Variants in ADCY3 observed in about 807,000 individuals in gnomAD.
The protein encoded by ADCY3 is adenylate cyclase 3.
In ADCY3, 70 loss-of-function variants were observed where a neutral mutation model predicts 119.4. The ratio of observed to expected loss-of-function variants is 0.59; its 90% CI spans 0.48 to 0.72. The LOEUF (loss-of-function observed/expected upper bound fraction) is 0.72, where lower values mean the gene tolerates loss of function less well. Ranked by LOEUF, ADCY3 falls within the 30% of genes least tolerant of loss-of-function variation. The pLI is 0.00. For missense variants in ADCY3, 1,238 were observed against 1,541.6 expected (o/e 0.80, Z 3.30); for synonymous variants, 672 against 621.4 (o/e 1.08, Z -1.21).
At chr2:24,825,424 T>A (rs534048361) in intron 16 of ADCY3, among the ~76,000 whole-genome samples, 53 of 141,376 alleles carry the variant, frequency 3.7e-4, no homozygotes, top group African/African-American at 1.4e-3. Flanking sequence ...AGCCTCAACC[T>A]CCTAGATTCA....
At chr2:24,821,760 C>T (rs1667754409) in intron 19 of ADCY3, 120 bp from the exon 20 acceptor site, 2 of 1,434,978 alleles carry the variant, frequency 1.4e-6, no homozygotes, top group Non-Finnish European at 1.9e-6. Flanking sequence ...CAAGGCCTTA[C>T]TTTTCCTCCC....
chr2:24,920,162 C>A lies in ADCY3; in HGVS notation c.-677G>T, dbSNP rs914637836. On this transcript the variant is annotated 5_prime_UTR_variant, in exon 1 of 22. Coordinates refer to ENST00000679454, the MANE Select transcript of ADCY3 (RefSeq NM_004036.5). This position sits in a 1 kb window ranked among gnomAD's most constrained non-coding sequence, Gnocchi z 4.5. ...TCTCGCCCGCCCGCGCCGAGCCGAG[C>A]CAGCCGAGTCCGGGCTCGGCGTGCT... Among the ~76,000 whole-genome samples, 19 of 145,818 alleles carry A rather than the reference C, an allele frequency of 1.3e-4. No individual in the cohort carries two copies. Among genetic ancestry groups the A allele is most frequent in the African/African-American group, 3.4e-4 (14 of 40,628 alleles).
chr2:24,862,155 C>T (rs1049281138), intron 3 of ADCY3, among the ~76,000 whole-genome samples: 2 of 152,142 alleles, frequency 1.3e-5, no homozygotes, highest in Admixed American at 1.3e-4. Context: ...GAGGCTGGAG[C>T]ATAGGACTGT....
At chr2:24,911,581 C>T (rs187666486) in intron 2 of ADCY3, among the ~76,000 whole-genome samples, 3,393 of 144,504 alleles carry the variant, frequency 0.023, 53 homozygotes, top group Non-Finnish European at 0.034. Context: ...ACCTGGGAAG[C>T]GGAGGCTGCA....
intron 21 of ADCY3, 25 bp from the exon 22 acceptor site, chr2:24,820,139 C>A: frequency 1.8e-6 from 2 of 1,104,390 alleles, no homozygotes; most frequent in Admixed American, 2.9e-5. Context: ...GGAGCAAGAA[C>A]GTGGCGTTAC....
rs764037677 is a variant in ADCY3 at position 24,918,888 on chromosome 2, G to A, written c.100C>T (p.Arg34Trp). The change falls in exon 2 of 22, where the codon CGG (arginine) becomes TGG (tryptophan). Residue 34 changes from arginine to tryptophan, a missense_variant. By Grantham distance (101) the Arg-to-Trp change is moderately radical. Transcript: ENST00000679454. The surrounding 1 kb of genome is among the most constrained non-coding windows in gnomAD (Gnocchi z 5.4). ...TTCCGGACCGAGATTTCATGGGTCC[G>A]GCCCACCCCGCGGTCAGGGTCGGAG... ...LPSDPDRGVG[R>W]THEISVRNSG... 4.3e-6 allele frequency: 7 copies of A among 1,612,858 alleles called. No homozygotes were observed. Among genetic ancestry groups the A allele is most frequent in the Admixed American group, 1.7e-5 (1 of 59,998 alleles).
chr2:24,851,348 GAACCC>G (rs1417744783), intron 3 of ADCY3, among the ~76,000 whole-genome samples: 1 of 152,190 alleles, frequency 6.6e-6, no homozygotes, highest in Non-Finnish European at 1.5e-5. Flanking sequence ...TAGCTCTCAT[GAACCC>G]AGCACCCACC....
chr2:24,891,431 C>T (rs1677639039), intron 2 of ADCY3, among the ~76,000 whole-genome samples: 1 of 152,128 alleles, frequency 6.6e-6, no homozygotes, highest in Non-Finnish European at 1.5e-5. Context: ...GTAGCTGTCT[C>T]GGTTATGAGA....
rs776111289 is a variant in ADCY3 at position 24,820,719 on chromosome 2, C to A, written c.3252+5G>T. The A allele has an allele frequency of 8.1e-6, 13 of 1,614,030 alleles. No homozygotes were observed. Among genetic ancestry groups the A allele is most frequent in the Non-Finnish European group, 1.1e-5 (13 of 1,179,954 alleles). On this transcript the variant is annotated splice_donor_5th_base_variant and intron_variant, in intron 21 of 21. Transcript: ENST00000679454. ...AGCACGTGCCAGCTGTGCCACTGGA[C>A]ATACCTGAATGTTGCCCATGACCCC...
intron 20 of ADCY3, 199 bp from the exon 21 acceptor site, chr2:24,821,047 ACCC>A: frequency 7.5e-6 from 4 of 532,514 alleles, no homozygotes; most frequent in African/African-American, 2.2e-5. Flanking sequence ...GTCAGCCGCC[ACCC>A]CCCCCCCATA....
intron 2 of ADCY3, among the ~76,000 whole-genome samples, chr2:24,914,727 C>T (rs114020506): frequency 3.3e-5 from 5 of 151,440 alleles, no homozygotes; most frequent in African/African-American, 1.2e-4. Flanking sequence ...GAGGATGGGT[C>T]GTGAGAACCA....
chr2:24,903,144 A>G (rs1197018298), intron 2 of ADCY3, among the ~76,000 whole-genome samples: 3 of 136,346 alleles, frequency 2.2e-5, no homozygotes, highest in Non-Finnish European at 4.6e-5. Flanking sequence ...GAGAGACTCT[A>G]TCTCCAAAAA....
chr2:24,827,379 C>CA (rs912813705), intron 15 of ADCY3, among the ~76,000 whole-genome samples, 167 bp downstream of exon 15: 3 of 152,244 alleles, frequency 2.0e-5, no homozygotes, highest in African/African-American at 7.2e-5. Context: ...CTCCTCACTG[C>CA]ACTGCTGCAG....
chr2:24,833,654 C>T (rs879314576), intron 11 of ADCY3, among the ~76,000 whole-genome samples: 1 of 152,266 alleles, frequency 6.6e-6, no homozygotes, highest in Non-Finnish European at 1.5e-5. Flanking sequence ...CTGTGTGCCG[C>T]ATCGCTGCCA....
rs766627794 is a variant in ADCY3 at position 24,830,804 on chromosome 2, C to T, written c.2077G>A (p.Ala693Thr). The change falls in exon 13 of 22, where the codon GCC becomes ACC. Residue 693 changes from alanine to threonine, a missense_variant. Transcript: ENST00000679454. The part of the protein sequence containing the change: ...FPRAFPKKLV[A>T]FSTWIDRTRW... The stretch of plus-strand genomic sequence containing the variant: ...GTCCGGTCAATCCAAGTTGAGAAGG[C>T]CACAAGCTTCTTAGGAAAGGCCTAG... The T allele has an allele frequency of 1.1e-5, 18 of 1,613,840 alleles. No individual in the cohort carries two copies. The highest frequency in any genetic ancestry group is 2.7e-5 in the African/African-American group (2 of 74,890).
chr2:24,820,616 C>A, intron 21 of ADCY3, 108 bp downstream of exon 21: 2 of 1,544,704 alleles, frequency 1.3e-6, no homozygotes, highest in Non-Finnish European at 1.8e-6. Context: ...TGCCTCTGGA[C>A]TTACTGTTCA....
intron 3 of ADCY3, among the ~76,000 whole-genome samples, chr2:24,851,155 A>G (rs1672246638): frequency 6.6e-6 from 1 of 152,166 alleles, no homozygotes; most frequent in African/African-American, 2.4e-5. Context: ...GAAAGGGAAC[A>G]TCCCTCAAGG....
intron 2 of ADCY3, among the ~76,000 whole-genome samples, chr2:24,879,189 TG>T (rs1258637026): frequency 1.3e-5 from 2 of 152,014 alleles, no homozygotes; most frequent in African/African-American, 4.8e-5. Context: ...ACTGAAAGAC[TG>T]GGCCGGGCGC....
intron 9 of ADCY3, among the ~76,000 whole-genome samples, chr2:24,835,890 C>G (rs937583377): frequency 2.7e-5 from 4 of 150,730 alleles, no homozygotes; most frequent in African/African-American, 9.8e-5. Context: ...GAGCCAAGAT[C>G]GCGCCACTGC....
Sources: gnomAD v4.1 joint callset for allele counts (sites outside exome capture counted in the v4.1 genomes callset) on GRCh38, gnomAD v4.1.1 for gene constraint, Gnocchi (gnomAD v3.1) non-coding constraint, MANE v1.5 for transcripts, NCBI Gene and HGNC (gene_info 2026-07-23, HGNC 2026-07-21) for gene names.